CDH20: variants seen among roughly 807,000 people sequenced by gnomAD.
The protein encoded by CDH20 is cadherin 20.
In CDH20, 29 loss-of-function variants were observed where a neutral mutation model predicts 74.2. The ratio of observed to expected loss-of-function variants is 0.39; its 90% confidence interval spans 0.29 to 0.53. The LOEUF is 0.53. CDH20 is among the 20% of genes least tolerant of loss of function. The pLI, the probability that CDH20 is intolerant of heterozygous loss-of-function variation, is 0.69. For synonymous variants in CDH20, 469 were observed against 405.4 expected, an observed-to-expected ratio of 1.16 and a Z score of -1.88; for missense variants, 988 against 1,048.3, an observed-to-expected ratio of 0.94 and a Z score of 0.79.
chr18:61,475,235 A>G (rs1330691443), intron 1 of CDH20, among the ~76,000 whole-genome samples: 2 of 152,196 alleles, frequency 1.3e-5, no homozygotes, highest in African/African-American at 4.8e-5. Context: ...AAGACTTACA[A>G]GGTAGAAATG....
chr18:61,453,911 T>C (rs1210504472), intron 1 of CDH20, among the ~76,000 whole-genome samples: 1 of 152,224 alleles, frequency 6.6e-6, no homozygotes, highest in Non-Finnish European at 1.5e-5. Flanking sequence ...TTGTACCATT[T>C]TACATTCTCC....
intron 6 of CDH20, among the ~76,000 whole-genome samples, chr18:61,507,827 C>T (rs1329246742): frequency 1.3e-5 from 2 of 151,980 alleles, no homozygotes; most frequent in Admixed American, 6.6e-5. Flanking sequence ...TTCCTTCTAC[C>T]CAGCCACTTA....
chr18:61,549,684 T>C (rs745406322), intron 10 of CDH20, among the ~76,000 whole-genome samples: 51 of 152,074 alleles, frequency 3.4e-4, no homozygotes, highest in Admixed American at 5.9e-4. Flanking sequence ...TTTTGTTAGA[T>C]CTGAAGTCTG....
intron 1 of CDH20, among the ~76,000 whole-genome samples, chr18:61,422,150 CT>C (rs1912905037): frequency 6.6e-6 from 1 of 152,086 alleles, no homozygotes; most frequent in Non-Finnish European, 1.5e-5. Context: ...GGTTCTTTAG[CT>C]CCATGGGACA....
chr18:61,443,786 A>T (rs895196979), intron 1 of CDH20, among the ~76,000 whole-genome samples: 12 of 152,138 alleles, frequency 7.9e-5, no homozygotes, highest in Non-Finnish European at 1.5e-4. Context: ...TGGTCTCTAG[A>T]GAAGCTTTCA....
At chr18:61,548,975 G>A (rs1169063914) in intron 10 of CDH20, among the ~76,000 whole-genome samples, 2 of 152,150 alleles carry the variant, frequency 1.3e-5, no homozygotes, top group African/African-American at 2.4e-5. Flanking sequence ...TTTTTGTGAT[G>A]TTCTAGACTC....
At chr18:61,386,861 G>A (rs898830174) in intron 1 of CDH20, among the ~76,000 whole-genome samples, 30 of 152,262 alleles carry the variant, frequency 2.0e-4, no homozygotes, top group African/African-American at 6.3e-4. Context: ...TGTATATTAA[G>A]AGAAAAAGAT....
intron 1 of CDH20, among the ~76,000 whole-genome samples, chr18:61,453,927 A>G (rs1271407850): frequency 3.9e-5 from 6 of 152,150 alleles, no homozygotes; most frequent in African/African-American, 1.4e-4. Flanking sequence ...TCTCCTCAGC[A>G]ATGTATGAGT....
intron 2 of CDH20, 30 bp from the exon 3 acceptor site, chr18:61,499,156 T>C: frequency 6.7e-7 from 1 of 1,490,666 alleles, no homozygotes; most frequent in South Asian, 1.4e-5. Flanking sequence ...TTGACATTCA[T>C]GATGAGAATT....
intron 5 of CDH20, among the ~76,000 whole-genome samples, chr18:61,505,932 G>T (rs1218397734): frequency 9.2e-5 from 14 of 151,984 alleles, no homozygotes; most frequent in Admixed American, 9.2e-4. Context: ...ACCTATCTTG[G>T]CTATACTCTT....
chr18:61,441,890 A>G (rs974075788), intron 1 of CDH20, among the ~76,000 whole-genome samples: 1 of 152,162 alleles, frequency 6.6e-6, no homozygotes, highest in Non-Finnish European at 1.5e-5. Flanking sequence ...CTTACAAACT[A>G]TATCCTTTTT....
chr18:61,421,404 C>T (rs189167508), intron 1 of CDH20, among the ~76,000 whole-genome samples: 1 of 152,284 alleles, frequency 6.6e-6, no homozygotes, highest in Admixed American at 6.5e-5. Flanking sequence ...AGAGGCATAA[C>T]TCCTACTTTA....
chr18:61,510,787 A>G (rs1296230974), intron 6 of CDH20, among the ~76,000 whole-genome samples: 1 of 152,190 alleles, frequency 6.6e-6, no homozygotes, highest in East Asian at 1.9e-4. Context: ...ATTCTTTGAG[A>G]ATTAATAACA....
intron 6 of CDH20, among the ~76,000 whole-genome samples, chr18:61,514,722 A>G (rs1911922356): frequency 3.3e-5 from 5 of 151,524 alleles, no homozygotes; most frequent in African/African-American, 1.2e-4. Flanking sequence ...TCTAACAGAC[A>G]GGACCCTCAG....
chr18:61,341,432 CG>C (rs67584439), intron 1 of CDH20, among the ~76,000 whole-genome samples: 233 of 127,950 alleles, frequency 1.8e-3, no homozygotes, highest in African/African-American at 6.4e-3. Context: ...GCCCCCCCCC[CG>C]CCTAATGCCG....
intron 1 of CDH20, among the ~76,000 whole-genome samples, chr18:61,345,776 G>A (rs184010404): frequency 1.3e-5 from 2 of 152,284 alleles, no homozygotes; most frequent in Non-Finnish European, 2.9e-5. Flanking sequence ...AAGTATGCAG[G>A]ATAGAGTGCG....
chr18:61,528,691 T>C (rs754895278), intron 7 of CDH20, among the ~76,000 whole-genome samples: 1 of 152,168 alleles, frequency 6.6e-6, no homozygotes, highest in Non-Finnish European at 1.5e-5. Context: ...TCACCCCAGG[T>C]TGAGAGCTAC....
chr18:61,405,182 T>C (rs1171130746), intron 1 of CDH20: 2 of 479,172 alleles, frequency 4.2e-6, no homozygotes, highest in East Asian at 1.0e-4. Context: ...CCAGCGACTT[T>C]TTTGTCTTCT....
At chr18:61,504,337 C>T (rs1162844290) in intron 5 of CDH20, among the ~76,000 whole-genome samples, 2 of 152,178 alleles carry the variant, frequency 1.3e-5, no homozygotes, top group African/African-American at 4.8e-5. Context: ...GAAACATGGA[C>T]TTCTGCCTCT....
Sources: gnomAD v4.1 joint callset for allele counts (sites outside exome capture counted in the v4.1 genomes callset) on GRCh38, gnomAD v4.1.1 for gene constraint, MANE v1.5 for transcripts, NCBI Gene and HGNC (gene_info 2026-07-23, HGNC 2026-07-21) for gene names.